DPP6: variants seen among roughly 807,000 people sequenced by gnomAD.
The protein encoded by DPP6 is dipeptidyl peptidase like 6, also known as A-type potassium channel modulatory protein DPP6.
DPP6 carries 69 observed loss-of-function variants against 122.6 expected under a neutral mutation model. The observed-to-expected ratio is 0.56, with a 90% CI of 0.46 to 0.69. The LOEUF (loss-of-function observed/expected upper bound fraction) is 0.69. Among genes scored for constraint, DPP6 ranks in the 30% least tolerant of loss-of-function variants. The pLI is 0.00. For missense variants in DPP6, 928 were observed against 1,116.9 expected (o/e 0.83, Z 2.41); for synonymous variants, 418 against 433.1 (o/e 0.97, Z 0.43).
chr7:154,827,814 C>T (rs1399473206), intron 16 of DPP6, among the ~76,000 whole-genome samples: 7 of 150,978 alleles, frequency 4.6e-5, no homozygotes, highest in African/African-American at 1.2e-4. Flanking sequence ...AGATCCCAAG[C>T]GGAGTGAGGA....
chr7:154,856,904 T>C (rs964094310), intron 17 of DPP6, among the ~76,000 whole-genome samples: 3 of 152,236 alleles, frequency 2.0e-5, no homozygotes, highest in Non-Finnish European at 2.9e-5. Flanking sequence ...TTCTTCTCTG[T>C]GTGAAATTTA....
At chr7:154,352,717 C>CTCATGCA (rs1810974519) in intron 1 of DPP6, among the ~76,000 whole-genome samples, 1 of 152,048 alleles carries the variant, frequency 6.6e-6, no homozygotes, top group Admixed American at 6.6e-5. Context: ...GGACAAGTAC[C>CTCATGCA]TCATGCATGT....
At chr7:154,133,104 C>T (rs1023043997) in intron 1 of DPP6, among the ~76,000 whole-genome samples, 1 of 152,096 alleles carries the variant, frequency 6.6e-6, no homozygotes, top group Non-Finnish European at 1.5e-5. Flanking sequence ...AGCTCTGGGA[C>T]AGGAATGTGT....
chr7:154,306,322 G>C (rs1035047219), intron 1 of DPP6, among the ~76,000 whole-genome samples: 19 of 152,342 alleles, frequency 1.2e-4, no homozygotes, highest in African/African-American at 4.3e-4. Context: ...TGTAGACATC[G>C]TAATTCCCTC....
intron 1 of DPP6, among the ~76,000 whole-genome samples, chr7:153,939,933 C>T (rs1314120242): frequency 1.3e-5 from 2 of 152,098 alleles, no homozygotes; most frequent in African/African-American, 2.4e-5. Context: ...AAGCTAAAGT[C>T]GAGAAACATG....
At chr7:154,118,047 CAA>C (rs757153417) in intron 1 of DPP6, among the ~76,000 whole-genome samples, 15 of 149,814 alleles carry the variant, frequency 1.0e-4, no homozygotes, top group Non-Finnish European at 1.5e-4. Context: ...TGAGACTAAA[CAA>C]GAGATGCCTG....
the DPP6 span, among the ~76,000 whole-genome samples, chr7:153,862,035 G>A: frequency 6.6e-6 from 1 of 152,138 alleles, no homozygotes; most frequent in East Asian, 1.9e-4. Context: ...ACAGCAAACC[G>A]TCCTTGAGAA....
intron 1 of DPP6, among the ~76,000 whole-genome samples, chr7:154,398,722 C>T (rs1194848757): frequency 6.6e-6 from 1 of 152,104 alleles, no homozygotes; most frequent in Non-Finnish European, 1.5e-5. Flanking sequence ...ACTTGTCTCC[C>T]AGAGTACCAG....
chr7:154,620,594 A>G (rs1489949150), intron 5 of DPP6, among the ~76,000 whole-genome samples: 3 of 152,204 alleles, frequency 2.0e-5, no homozygotes, highest in East Asian at 3.9e-4. Context: ...TCTGCATTAC[A>G]TGAATAATTT....
rs1796330976 is a variant in DPP6 at position 153,976,850 on chromosome 7, G to A, written c.51+89116G>A. Among the ~76,000 whole-genome samples the A allele has an allele frequency of 5.3e-5, 8 of 152,288 alleles. No individual in the cohort carries two copies. In the South Asian group the frequency reaches 1.7e-3, roughly 32 times the overall value. ...CCTAAGCATTCTGAAGAGATGGAAG[G>A]GACATCGGGGCTGCCACTGGGCCCC... On this transcript the variant is annotated intron_variant, in intron 1 of 25. Transcript: ENST00000404039.
chr7:154,204,838 C>T (rs1259007523), intron 1 of DPP6, among the ~76,000 whole-genome samples: 1 of 151,626 alleles, frequency 6.6e-6, no homozygotes, highest in Non-Finnish European at 1.5e-5. Context: ...TGTGTTTATA[C>T]CGTATATATG....
At chr7:154,110,080 A>T (rs1585397195) in intron 1 of DPP6, among the ~76,000 whole-genome samples, 1 of 149,726 alleles carries the variant, frequency 6.7e-6, no homozygotes, top group Non-Finnish European at 1.5e-5. Context: ...AAGTCAAGGT[A>T]AGAGGGGTGG....
At chr7:154,360,471 C>T (rs1032480109) in intron 1 of DPP6, among the ~76,000 whole-genome samples, 24 of 152,310 alleles carry the variant, frequency 1.6e-4, no homozygotes, top group African/African-American at 5.5e-4. Context: ...TCGTTCCAGA[C>T]AGAGAAATTC....
intron 3 of DPP6, among the ~76,000 whole-genome samples, chr7:154,535,037 A>G (rs1828124143): frequency 6.7e-6 from 1 of 149,880 alleles, no homozygotes; most frequent in Non-Finnish European, 1.5e-5. Flanking sequence ...GGAATGGGAT[A>G]GAAAGTCCAG....
At chr7:154,557,020 G>C (rs1830092751) in intron 4 of DPP6, among the ~76,000 whole-genome samples, 1 of 152,136 alleles carries the variant, frequency 6.6e-6, no homozygotes, top group African/African-American at 2.4e-5. Context: ...ATTTGTAACA[G>C]GGCCACTCGT....
intron 16 of DPP6, among the ~76,000 whole-genome samples, chr7:154,834,492 CAAAA>C (rs1800887286): frequency 1.4e-5 from 2 of 145,002 alleles, no homozygotes; most frequent in African/African-American, 5.6e-5. Context: ...AAAACAAAAA[CAAAA>C]ACAAAAACAA....
chr7:154,682,695 G>A (rs983133160), intron 7 of DPP6, among the ~76,000 whole-genome samples: 12 of 152,164 alleles, frequency 7.9e-5, no homozygotes, highest in Non-Finnish European at 1.6e-4. Flanking sequence ...GACTTCACAG[G>A]GCTCCTCCTT....
At chr7:154,544,600 A>G (rs960126007) in intron 4 of DPP6, among the ~76,000 whole-genome samples, 15 of 152,208 alleles carry the variant, frequency 9.9e-5, no homozygotes, top group African/African-American at 3.6e-4. Context: ...AGGGGCATTC[A>G]GCACTGGGGT....
At chr7:154,058,887 G>T (rs1176031314) in intron 1 of DPP6, 1 of 140,374 alleles carries the variant, frequency 7.1e-6, no homozygotes, top group Non-Finnish European at 1.5e-5. Context: ...CCCCCTACGA[G>T]AGTGGGGACT....
Sources: allele counts gnomAD v4.1 joint callset (sites outside exome capture counted in the v4.1 genomes callset), GRCh38; gene constraint gnomAD v4.1.1; transcripts MANE v1.5; gene names NCBI Gene and HGNC (gene_info 2026-07-23, HGNC 2026-07-21).